Variants in NRG1 observed in about 807,000 individuals in gnomAD.
NRG1 encodes the protein pro-neuregulin-1, membrane-bound isoform.
Under a neutral mutation model 63.8 loss-of-function variants are expected in NRG1, and 18 were observed. The observed-to-expected ratio is 0.28, with a 90% CI of 0.19 to 0.42. The LOEUF (loss-of-function observed/expected upper bound fraction) is 0.42, where lower values mean the gene tolerates loss of function less well. Among genes scored for constraint, NRG1 ranks in the 10% least tolerant of loss-of-function variants. NRG1 has a pLI of 1.00. For synonymous variants in NRG1, 302 were observed against 301.3 expected (o/e 1.00, Z -0.02); for missense variants, 762 against 814.7 (o/e 0.94, Z 0.79).
intron 2 of NRG1, among the ~76,000 whole-genome samples, chr8:32,600,112 T>C (rs184067333): frequency 3.2e-3 from 483 of 152,210 alleles, no homozygotes; most frequent in African/African-American, 0.011. Context: ...CAGTGACTGG[T>C]TCTGTTGCTT....
chr8:31,746,933 A>G (rs1563354653), intron 1 of NRG1, among the ~76,000 whole-genome samples: 1 of 151,998 alleles, frequency 6.6e-6, no homozygotes, highest in Non-Finnish European at 1.5e-5. Flanking sequence ...ACATGTTCTT[A>G]CTTATTTGTG....
intron 1 of NRG1, among the ~76,000 whole-genome samples, chr8:32,552,660 A>C (rs73581818): frequency 6.6e-6 from 1 of 152,202 alleles, no homozygotes; most frequent in Non-Finnish European, 1.5e-5. Context: ...ACTTGTAACC[A>C]CCTAGCCTAT....
Position 32,524,107 on chromosome 8 carries a change from C to T in NRG1, c.38-71721C>T, listed in dbSNP as rs145227068. ...TTCAAGACCAGCCCGGGCAACATGG[C>T]GAAACTCTGTTTCTATAAAAAACAC... On this transcript the variant is annotated intron_variant, in intron 1 of 10. Coordinates refer to the NRG1 transcript ENST00000519301. Among the ~76,000 whole-genome samples the T allele has an allele frequency of 2.5e-4, 38 of 151,724 alleles. No individual in the cohort carries two copies. The East Asian group carries it at 5.9e-3, about 23-fold the overall frequency.
intron 1 of NRG1, among the ~76,000 whole-genome samples, chr8:32,213,627 T>G (rs1317210720): frequency 6.6e-6 from 1 of 151,706 alleles, no homozygotes; most frequent in Non-Finnish European, 1.5e-5. Flanking sequence ...TTAAAAAAAT[T>G]TAAAAAAAAA....
rs561138881 is a variant in NRG1 at position 32,750,800 on chromosome 8, A to C, written c.692-3572A>C. Among the ~76,000 whole-genome samples, 280 of 152,104 alleles carry C rather than the reference A, an allele frequency of 1.8e-3. 2 individuals carry two copies. Among genetic ancestry groups the C allele is most frequent in the African/African-American group, 6.5e-3 (271 of 41,482 alleles). On this transcript the variant is annotated intron_variant, in intron 7 of 11. Coordinates refer to ENST00000356819, the Ensembl canonical transcript of NRG1. The stretch of plus-strand genomic sequence containing the variant: ...TGAATGGGCCTTTGTGCCTCGCAGA[A>C]CATCTCCAAAGAGGGAGAAACACAA...
chr8:32,392,156 C>A (rs894258849), intron 1 of NRG1, among the ~76,000 whole-genome samples: 21 of 152,122 alleles, frequency 1.4e-4, no homozygotes, highest in Non-Finnish European at 4.4e-5. Context: ...ATGAAGAGAG[C>A]AGCCTGCACT....
chr8:31,834,436 G>T (rs1468797238), intron 1 of NRG1, among the ~76,000 whole-genome samples: 2 of 152,188 alleles, frequency 1.3e-5, no homozygotes, highest in African/African-American at 4.8e-5. Flanking sequence ...GCTGGGTGTA[G>T]TGGCTAATGC....
intron 1 of NRG1, among the ~76,000 whole-genome samples, chr8:32,435,984 C>T (rs969306245): frequency 1.3e-5 from 2 of 152,114 alleles, no homozygotes; most frequent in African/African-American, 4.8e-5. Flanking sequence ...TCTTTGAAAT[C>T]TGAAATAAGT....
chr8:32,241,586 C>T (rs10100667), intron 1 of NRG1, among the ~76,000 whole-genome samples: 66,292 of 151,968 alleles, frequency 0.44, 15,165 homozygotes, highest in Admixed American at 0.5. Context: ...CAATGAAATG[C>T]AAAAAGTTAT....
intron 1 of NRG1, among the ~76,000 whole-genome samples, chr8:32,077,346 A>G (rs1826739563): frequency 6.6e-6 from 1 of 152,156 alleles, no homozygotes; most frequent in South Asian, 2.1e-4. Flanking sequence ...AGCCTGGGCG[A>G]CAAGAGCAAA....
At chr8:31,745,734 A>G (rs963604460) in intron 1 of NRG1, among the ~76,000 whole-genome samples, 1 of 151,968 alleles carries the variant, frequency 6.6e-6, no homozygotes, top group Non-Finnish European at 1.5e-5. Flanking sequence ...TGCTGTGAGC[A>G]TGAATGAGCC....
rs1448220071 is a variant in NRG1, at chr8:32,561,286, GA to G, written c.100+12462del. Among the ~76,000 whole-genome samples, 3 of 152,156 alleles carry G rather than the reference GA, an allele frequency of 2.0e-5. No homozygotes were observed. The East Asian group carries it at 5.8e-4, about 29-fold the overall frequency. On this transcript the variant is annotated intron_variant, in intron 1 of 11. Transcript: ENST00000356819. ...AGAGATGTATTTCTGTGCCATTGAG[GA>G]ATAGCTTAGAGTACCTATGATTCAT... is the stretch of plus-strand genomic sequence containing the variant.
chr8:32,127,728 G>C (rs892510228), intron 1 of NRG1, among the ~76,000 whole-genome samples: 10 of 151,732 alleles, frequency 6.6e-5, no homozygotes, highest in Admixed American at 2.0e-4. Flanking sequence ...ACACTCTTTT[G>C]CTGCTTAGTG....
At chr8:31,900,026 T>G (rs1277951607) in intron 1 of NRG1, among the ~76,000 whole-genome samples, 6 of 152,228 alleles carry the variant, frequency 3.9e-5, no homozygotes, top group Admixed American at 1.3e-4. Context: ...TGTTTAGCTT[T>G]GCTTTTCAGA....
intron 1 of NRG1, among the ~76,000 whole-genome samples, chr8:31,738,133 A>C (rs1814879381): frequency 6.6e-6 from 1 of 152,130 alleles, no homozygotes; most frequent in South Asian, 2.1e-4. Flanking sequence ...AGGATGTTGC[A>C]GAAATCTAGA....
intron 1 of NRG1, among the ~76,000 whole-genome samples, chr8:31,866,273 C>T (rs545573861): frequency 1.5e-4 from 23 of 152,212 alleles, no homozygotes; most frequent in South Asian, 1.0e-3. Context: ...TGAGAGGGGA[C>T]TGAGGAAAAG....
intron 1 of NRG1, among the ~76,000 whole-genome samples, chr8:31,864,700 TAACTTAG>T (rs1355920823): frequency 6.6e-6 from 1 of 152,128 alleles, no homozygotes; most frequent in Non-Finnish European, 1.5e-5. Flanking sequence ...GTTTAGTTAT[TAACTTAG>T]AACAGTGAGA....
At chr8:31,771,401 C>A (rs1166062873) in intron 1 of NRG1, among the ~76,000 whole-genome samples, 1 of 151,970 alleles carries the variant, frequency 6.6e-6, no homozygotes, top group Admixed American at 6.6e-5. Flanking sequence ...GGGTTTTTTT[C>A]CCCCAATTTG....
At chr8:32,066,973 G>C (rs1245703004) in intron 1 of NRG1, among the ~76,000 whole-genome samples, 2 of 152,150 alleles carry the variant, frequency 1.3e-5, no homozygotes, top group Admixed American at 6.6e-5. Context: ...GTTCACTCAT[G>C]ATTTGGCTCT....
Sources: allele counts gnomAD v4.1 joint callset (sites outside exome capture counted in the v4.1 genomes callset), GRCh38; gene constraint gnomAD v4.1.1; transcripts MANE v1.5; gene names NCBI Gene and HGNC (gene_info 2026-07-23, HGNC 2026-07-21).